ADAMTS2: variants seen among roughly 807,000 people sequenced by gnomAD.
ADAMTS2 encodes the protein ADAM metallopeptidase with thrombospondin type 1 motif 2, also known as A disintegrin and metalloproteinase with thrombospondin motifs 2.
A neutral mutation model predicts 123.0 loss-of-function variants in ADAMTS2; 50 were observed. The observed-to-expected ratio is 0.41, with a 90% CI of 0.32 to 0.51. The LOEUF is 0.51. Ranked by LOEUF, ADAMTS2 falls within the 20% of genes least tolerant of loss-of-function variation. The pLI is 0.35. For synonymous variants in ADAMTS2, 678 were observed against 695.4 expected (o/e 0.98, Z 0.39); for missense variants, 1,494 against 1,705.2 (o/e 0.88, Z 2.18).
Position 179,158,683 on chromosome 5 carries a change from C to A in ADAMTS2, c.1132+40G>T. ...CCTTGCATGGCCAGGGGCTCATTTC[C>A]AGCTTCACGCCTCTGTGGCCCTGCA... On this transcript the variant is annotated intron_variant, in intron 6 of 21. Transcript: ENST00000251582. The surrounding 1 kb of genome is among the most constrained non-coding windows in gnomAD (Gnocchi z 5.0). 6.2e-7 allele frequency: 1 copy of A among 1,613,668 alleles called. No homozygotes were observed. The highest frequency in any genetic ancestry group is 8.5e-7 in the Non-Finnish European group (1 of 1,179,958).
At position 179,158,608 on chromosome 5, in the gene ADAMTS2, C is replaced by T. The variant is rs1581159809; in HGVS notation, c.1132+115G>A. 2 of 1,454,470 alleles carry T rather than the reference C, an allele frequency of 1.4e-6. No individual in the cohort carries two copies. Among genetic ancestry groups the T allele is most frequent in the South Asian group, 1.2e-5 (1 of 86,742 alleles). The allele number at this position is 1,454,470 out of a possible 1,614,324, so 90.1% of individuals were successfully genotyped here. ...CTCACCCAGCTAAGGTGGCCACGGC[C>T]TTCCCTGCCCTGACACTCTTCCCTG... is the stretch of plus-strand genomic sequence containing the variant. On this transcript the variant is annotated intron_variant, in intron 6 of 21. Transcript: ENST00000251582. The surrounding 1 kb of genome is among the most constrained non-coding windows in gnomAD (Gnocchi z 5.0).
Position 179,343,511 on chromosome 5 carries a change from C to G in ADAMTS2, c.534+256G>C, listed in dbSNP as rs562964338. On this transcript the variant is annotated intron_variant, in intron 2 of 21. Transcript: ENST00000251582. ...TGTTCAGGCAGGCAAAAGAGAGAGGCGCACGCTCCTGCCTGCTGAGCCTTT... is the reference window on the plus strand; with the variant it reads ...TGTTCAGGCAGGCAAAAGAGAGAGGGGCACGCTCCTGCCTGCTGAGCCTTT... 9.1e-4 allele frequency among the ~76,000 whole-genome samples: 138 copies of G among 152,360 alleles called. 1 individual carries two copies. The highest frequency in any genetic ancestry group is 3.2e-3 in the African/African-American group (131 of 41,582).
At position 179,272,311 on chromosome 5, in the gene ADAMTS2, G is replaced by A. The variant is rs1007412006; in HGVS notation, c.688+600C>T. Among the ~76,000 whole-genome samples the A allele has an allele frequency of 2.0e-5, 3 of 152,206 alleles. No homozygotes were observed. Among genetic ancestry groups the A allele is most frequent in the Non-Finnish European group, 4.4e-5 (3 of 68,038 alleles). On this transcript the variant is annotated intron_variant, in intron 3 of 21. Transcript: ENST00000251582. This position sits in a 1 kb window ranked among gnomAD's most constrained non-coding sequence, Gnocchi z 5.8. The stretch of plus-strand genomic sequence containing the variant: ...GGGTTCTGAGTTGAAAAAGACAGAC[G>A]CCCATGAGTCTGTGCAGAGACTGCT...
In ADAMTS2 at chr5:179,308,567, T is replaced by C. The variant is rs1415096930; in HGVS notation, c.534+35200A>G. 3.3e-5 allele frequency among the ~76,000 whole-genome samples: 5 copies of C among 152,254 alleles called. No individual in the cohort carries two copies. The highest frequency in any genetic ancestry group is 1.9e-4 in the East Asian group (1 of 5,174). On this transcript the variant is annotated intron_variant, in intron 2 of 21. Transcript: ENST00000251582. This position sits in a 1 kb window ranked among gnomAD's most constrained non-coding sequence, Gnocchi z 6.6. ...AATAGACAGCCTCATTTTTTTTTTC[T>C]AGGCAAAACTTTGGGAGGATCCTTT... is the stretch of plus-strand genomic sequence containing the variant.
In ADAMTS2 at chr5:179,317,734, C is replaced by T. The variant is rs942977348; in HGVS notation, c.534+26033G>A. ...ACACACACACGTGTACATTTCAGCA[C>T]GCGTCTAGGGGAGGTTAGCGTGCCA... On this transcript the variant is annotated intron_variant, in intron 2 of 21. Coordinates refer to ENST00000251582, the MANE Select transcript of ADAMTS2 (RefSeq NM_014244.5). This position sits in a 1 kb window ranked among gnomAD's most constrained non-coding sequence, Gnocchi z 4.9. Among the ~76,000 whole-genome samples, 5 of 152,214 alleles carry T rather than the reference C, an allele frequency of 3.3e-5. No individual in the cohort carries two copies. The highest frequency in any genetic ancestry group is 1.3e-4 in the Admixed American group (2 of 15,288).
chr5:179,331,969 CACT>C (rs1401191924), intron 2 of ADAMTS2, among the ~76,000 whole-genome samples: 3 of 152,236 alleles, frequency 2.0e-5, no homozygotes, highest in Non-Finnish European at 4.4e-5. Context: ...ACAGCAGCCC[CACT>C]TGCGGTGGCA....
chr5:179,293,431 C>T (rs184794889), intron 2 of ADAMTS2, among the ~76,000 whole-genome samples: 3 of 152,022 alleles, frequency 2.0e-5, no homozygotes, highest in Admixed American at 1.3e-4. Context: ...CAGAGCCGTG[C>T]GCTGAGCTAG....
intron 3 of ADAMTS2, among the ~76,000 whole-genome samples, chr5:179,263,073 TCCC>T (rs1428729204): frequency 1.9e-4 from 27 of 140,794 alleles, no homozygotes; most frequent in Admixed American, 5.6e-4. Context: ...GCAGCATTAT[TCCC>T]CCATGATTTG....
intron 3 of ADAMTS2, among the ~76,000 whole-genome samples, chr5:179,219,382 TACAA>T (rs1233668839): frequency 2.0e-5 from 3 of 152,188 alleles, no homozygotes; most frequent in Admixed American, 6.5e-5. Context: ...TGTGTGCCCT[TACAA>T]ACACAGACAC....
At chr5:179,217,839 C>T (rs112832942) in intron 3 of ADAMTS2, among the ~76,000 whole-genome samples, 2,369 of 56,774 alleles carry the variant, frequency 0.042, 104 homozygotes, top group African/African-American at 0.14. Flanking sequence ...TGAGGGCAGA[C>T]AGGCACACTC....
At position 179,272,917 on chromosome 5, in the gene ADAMTS2, C is replaced by A; in HGVS notation, c.682G>T (p.Asp228Tyr). The change falls in exon 3 of 22, where the codon GAC (aspartate) becomes TAC (tyrosine). Residue 228 changes from aspartate to tyrosine, a missense_variant. Physicochemically the swap from Asp to Tyr is radical, Grantham distance 160 (BLOSUM62 -3). This residue lies in a region of ADAMTS2 where 184 missense variants were observed against 152.1 expected (regional missense o/e 1.21). Transcript: ENST00000251582. This position sits in a 1 kb window ranked among gnomAD's most constrained non-coding sequence, Gnocchi z 5.8. ...SPPLGGPQAL[D>Y]TGASLDSLDS... ...CCACCTGCAGTAGCCTCACCTGTGT[C>A]CAGGGCCTGTGGCCCCCCGAGAGGA... The A allele has an allele frequency of 6.2e-7, 1 of 1,609,542 alleles. No homozygotes were observed. Among genetic ancestry groups the A allele is most frequent in the Non-Finnish European group, 8.5e-7 (1 of 1,179,942 alleles).
chr5:179,276,888 G>T (rs1017721248), intron 2 of ADAMTS2, among the ~76,000 whole-genome samples: 1 of 152,170 alleles, frequency 6.6e-6, no homozygotes, highest in Non-Finnish European at 1.5e-5. Context: ...GAGGGACCTA[G>T]TGTGACAATG....
chr5:179,306,953 G>A (rs458054), intron 2 of ADAMTS2, among the ~76,000 whole-genome samples: 1 of 152,160 alleles, frequency 6.6e-6, no homozygotes, highest in Non-Finnish European at 1.5e-5. Context: ...TGAGAGGGCA[G>A]GGCAGTCTTC....
rs996443150 is a variant in ADAMTS2 at position 179,303,720 on chromosome 5, G to C, written c.535-30656C>G. On this transcript the variant is annotated intron_variant, in intron 2 of 21. Transcript: ENST00000251582. The surrounding 1 kb of genome is among the most constrained non-coding windows in gnomAD (Gnocchi z 4.7). ...ACAGGCACCTAAAACTCTAAGAGGG[G>C]AGCCTGGCTGTGTAGCTGGAAGTGC... 3.3e-5 allele frequency among the ~76,000 whole-genome samples: 5 copies of C among 152,232 alleles called. No individual in the cohort carries two copies. Among genetic ancestry groups the C allele is most frequent in the African/African-American group, 1.2e-4 (5 of 41,462 alleles).
chr5:179,153,652 G>A, intron 8 of ADAMTS2, 29 bp from the exon 9 acceptor site: 1 of 1,588,834 alleles, frequency 6.3e-7, no homozygotes, highest in Non-Finnish European at 8.5e-7. Context: ...GCCGCGAGCA[G>A]CCTTCAGCGC....
chr5:179,134,815 AGCCCCCAGCTCCCG>A (rs1338263043), intron 13 of ADAMTS2, among the ~76,000 whole-genome samples: 58 of 59,816 alleles, frequency 9.7e-4, no homozygotes, highest in African/African-American at 4.3e-3. Flanking sequence ...TCCCGGCTCC[AGCCCCCAGCTCCCG>A]GCTCCAGCCC....
At chr5:179,328,351 ACT>A (rs1363269170) in intron 2 of ADAMTS2, among the ~76,000 whole-genome samples, 6 of 152,178 alleles carry the variant, frequency 3.9e-5, no homozygotes, top group Non-Finnish European at 5.9e-5. Flanking sequence ...TTTCAGAAGG[ACT>A]TTTTGTGATT....
chr5:179,134,759 T>TC (rs1409581171), intron 13 of ADAMTS2, among the ~76,000 whole-genome samples: 3 of 94,476 alleles, frequency 3.2e-5, no homozygotes, highest in East Asian at 3.2e-4. Flanking sequence ...CGGCTCCAGC[T>TC]CCAGCTCCCG....
At chr5:179,274,823 T>G (rs1200430859) in intron 2 of ADAMTS2, among the ~76,000 whole-genome samples, 1 of 152,132 alleles carries the variant, frequency 6.6e-6, no homozygotes, top group Non-Finnish European at 1.5e-5. Context: ...CAGGGGCTGG[T>G]GGAGGTGCAG....
Sources: allele counts gnomAD v4.1 joint callset (sites outside exome capture counted in the v4.1 genomes callset), GRCh38; gene constraint gnomAD v4.1.1; regional missense constraint gnomAD v4.1.1; non-coding constraint Gnocchi (gnomAD v3.1); transcripts MANE v1.5; gene names NCBI Gene and HGNC (gene_info 2026-07-23, HGNC 2026-07-21).